ADAMTS12: variants seen among roughly 807,000 people sequenced by gnomAD.
ADAMTS12 encodes ADAM metallopeptidase with thrombospondin type 1 motif 12.
A neutral mutation model predicts 167.8 loss-of-function variants in ADAMTS12; 118 were observed. The observed-to-expected ratio is 0.70, with a 90% CI of 0.61 to 0.82. ADAMTS12 has a LOEUF of 0.82. ADAMTS12 is among the 40% of genes least tolerant of loss of function. The pLI is 0.00. For synonymous variants in ADAMTS12, 704 were observed against 716.9 expected (o/e 0.98, Z 0.29); for missense variants, 1,916 against 1,998.8 (o/e 0.96, Z 0.79).
At chr5:33,528,187 T>A (rs114489855) in intron 23 of ADAMTS12, among the ~76,000 whole-genome samples, 2,775 of 151,944 alleles carry the variant, frequency 0.018, 78 homozygotes, top group African/African-American at 0.064. Context: ...GAAAACCAAA[T>A]ATATGTTCTC....
chr5:33,723,483 C>G (rs900305927), intron 3 of ADAMTS12, among the ~76,000 whole-genome samples: 2 of 152,134 alleles, frequency 1.3e-5, no homozygotes, highest in Non-Finnish European at 2.9e-5. Flanking sequence ...CCTCATGGTT[C>G]TCCACATTGT....
In ADAMTS12 at chr5:33,539,609, G is replaced by A. The variant is rs999887862; in HGVS notation, c.4447-4617C>T. Among the ~76,000 whole-genome samples, 8 of 152,134 alleles carry A rather than the reference G, an allele frequency of 5.3e-5. No homozygotes were observed. The East Asian group carries it at 9.6e-4, about 18-fold the overall frequency. On this transcript the variant is annotated intron_variant, in intron 22 of 23. Coordinates refer to ENST00000504830, the MANE Select transcript of ADAMTS12 (RefSeq NM_030955.4). ...TCTCAACTCAAGACCCACAGCAGCC[G>A]TGGGTCAACTTTTAGCAGACTTAGA... is the stretch of plus-strand genomic sequence containing the variant.
At chr5:33,829,678 C>G (rs764893313) in intron 2 of ADAMTS12, among the ~76,000 whole-genome samples, 2 of 152,178 alleles carry the variant, frequency 1.3e-5, no homozygotes, top group Non-Finnish European at 2.9e-5. Flanking sequence ...CCATGGGCCT[C>G]TCTGTTCCCC....
chr5:33,777,209 A>G (rs1745945769), intron 2 of ADAMTS12, among the ~76,000 whole-genome samples: 1 of 152,188 alleles, frequency 6.6e-6, no homozygotes, highest in Non-Finnish European at 1.5e-5. Flanking sequence ...AAAGCCAGAC[A>G]AGGACACTAG....
Position 33,684,044 on chromosome 5 carries a change from T to C in ADAMTS12, c.646A>G (p.Ile216Val). Residue 216 changes from isoleucine to valine, a missense_variant, in exon 4 of 24, where the codon ATC becomes GTC. Ile to Val is a conservative substitution (Grantham distance 29). Coordinates refer to ENST00000504830, the MANE Select transcript of ADAMTS12 (RefSeq NM_030955.4). ...PTCGLKDSVNISQKQELWREK... is the reference protein window; with the variant it reads ...PTCGLKDSVNVSQKQELWREK... ...CGCCATAGCTCTTGCTTCTGGGAGA[T>C]GTTAACACTGTCTAAACAGTAAACA... is the stretch of plus-strand genomic sequence containing the variant. 3 of 1,592,522 alleles carry C rather than the reference T, an allele frequency of 1.9e-6. No homozygotes were observed. The highest frequency in any genetic ancestry group is 1.7e-6 in the Non-Finnish European group (2 of 1,169,658).
chr5:33,832,864 C>T (rs1046303608), intron 2 of ADAMTS12, among the ~76,000 whole-genome samples: 2 of 152,188 alleles, frequency 1.3e-5, no homozygotes, highest in Non-Finnish European at 2.9e-5. Context: ...AGAAACCAGA[C>T]TGAACAATTG....
At chr5:33,779,290 AT>A (rs1234676844) in intron 2 of ADAMTS12, among the ~76,000 whole-genome samples, 1 of 150,812 alleles carries the variant, frequency 6.6e-6, no homozygotes, top group Non-Finnish European at 1.5e-5. Flanking sequence ...GGTTCAAGCG[AT>A]TCTCCTGCCT....
At chr5:33,639,907 A>G (rs1454738524) in intron 11 of ADAMTS12, among the ~76,000 whole-genome samples, 1 of 152,208 alleles carries the variant, frequency 6.6e-6, no homozygotes, top group African/African-American at 2.4e-5. Context: ...GGCAGTTCAC[A>G]TAGTAGGCTC....
chr5:33,789,803 C>T (rs1401673456), intron 2 of ADAMTS12, among the ~76,000 whole-genome samples: 1 of 152,160 alleles, frequency 6.6e-6, no homozygotes, highest in African/African-American at 2.4e-5. Flanking sequence ...CTCTCAAGTT[C>T]GTTCTTGGCA....
At chr5:33,617,799 A>G (rs1433536510) in intron 14 of ADAMTS12, among the ~76,000 whole-genome samples, 2 of 152,192 alleles carry the variant, frequency 1.3e-5, no homozygotes, top group Admixed American at 1.3e-4. Flanking sequence ...AATAGAAAAA[A>G]AAAACAATAA....
At chr5:33,802,781 T>C (rs952925841) in intron 2 of ADAMTS12, among the ~76,000 whole-genome samples, 1 of 152,208 alleles carries the variant, frequency 6.6e-6, no homozygotes, top group African/African-American at 2.4e-5. Flanking sequence ...ATGTTAGCAA[T>C]AGCAGTCCTC....
At chr5:33,700,208 C>G (rs1742950772) in intron 3 of ADAMTS12, among the ~76,000 whole-genome samples, 1 of 152,152 alleles carries the variant, frequency 6.6e-6, no homozygotes, top group African/African-American at 2.4e-5. Context: ...GGGCATTTAT[C>G]CCAGAGAAAA....
At chr5:33,625,576 G>C (rs886685443) in intron 13 of ADAMTS12, among the ~76,000 whole-genome samples, 4 of 152,136 alleles carry the variant, frequency 2.6e-5, no homozygotes, top group African/African-American at 9.7e-5. Context: ...CAGGGAAATA[G>C]ATATAAAAAA....
intron 2 of ADAMTS12, among the ~76,000 whole-genome samples, chr5:33,795,675 G>A (rs1418136857): frequency 6.6e-6 from 1 of 152,154 alleles, no homozygotes; most frequent in African/African-American, 2.4e-5. Flanking sequence ...GGGGAGCTGG[G>A]ATGTGGGAGC....
At chr5:33,542,672 C>G (rs530220077) in intron 22 of ADAMTS12, among the ~76,000 whole-genome samples, 2 of 152,170 alleles carry the variant, frequency 1.3e-5, no homozygotes, top group South Asian at 4.1e-4. Context: ...TCTCTCAGAC[C>G]ACAGTGCAAT....
intron 17 of ADAMTS12, among the ~76,000 whole-genome samples, chr5:33,595,313 C>G (rs1194881840): frequency 6.6e-6 from 1 of 152,068 alleles, no homozygotes; most frequent in Admixed American, 6.6e-5. Flanking sequence ...ATGATTTTAC[C>G]CCGTAGTGGA....
intron 12 of ADAMTS12, among the ~76,000 whole-genome samples, chr5:33,635,640 A>G (rs953031797): frequency 4.6e-5 from 7 of 152,174 alleles, no homozygotes; most frequent in Non-Finnish European, 1.0e-4. Context: ...TGTTTATTTT[A>G]TCCTCTGGTG....
intron 2 of ADAMTS12, among the ~76,000 whole-genome samples, chr5:33,803,685 G>A (rs1018076887): frequency 1.3e-5 from 2 of 152,204 alleles, no homozygotes; most frequent in African/African-American, 4.8e-5. Flanking sequence ...AGTTCCACAT[G>A]GCTGGGGAGG....
chr5:33,548,193 AT>A (rs1745076469), intron 21 of ADAMTS12, among the ~76,000 whole-genome samples: 1 of 152,188 alleles, frequency 6.6e-6, no homozygotes, highest in South Asian at 2.1e-4. Flanking sequence ...TTATTGATTC[AT>A]TCTTTCTCCT....
Sources: allele counts gnomAD v4.1 joint callset (sites outside exome capture counted in the v4.1 genomes callset), GRCh38; gene constraint gnomAD v4.1.1; transcripts MANE v1.5; gene names NCBI Gene and HGNC (gene_info 2026-07-23, HGNC 2026-07-21).